DENND1A: variants seen among roughly 807,000 people sequenced by gnomAD.
DENND1A encodes DENN domain containing 1A, also known as DENN domain-containing protein 1A.
In DENND1A, 51 loss-of-function variants were observed where a neutral mutation model predicts 113.7. The observed-to-expected ratio is 0.45, with a 90% confidence interval of 0.36 to 0.57. The LOEUF (loss-of-function observed/expected upper bound fraction) is 0.57. Ranked by LOEUF, DENND1A falls within the 20% of genes least tolerant of loss-of-function variation. The pLI is 0.00. For missense variants in DENND1A, 1,258 were observed against 1,395.9 expected (o/e 0.90, Z 1.57); for synonymous variants, 565 against 570.8 (o/e 0.99, Z 0.14).
intron 5 of DENND1A, among the ~76,000 whole-genome samples, chr9:123,741,288 T>G (rs541920397): frequency 2.0e-5 from 3 of 152,178 alleles, no homozygotes; most frequent in Non-Finnish European, 4.4e-5. Flanking sequence ...ACCAAAATTT[T>G]ACAAGTGATT....
intron 10 of DENND1A, among the ~76,000 whole-genome samples, chr9:123,624,397 G>A (rs2061103005): frequency 6.6e-6 from 1 of 152,176 alleles, no homozygotes; most frequent in Non-Finnish European, 1.5e-5. Context: ...CAGTGGTAGT[G>A]GCTGAAGGTG....
chr9:123,611,864 A>G (rs866172333), intron 10 of DENND1A, among the ~76,000 whole-genome samples: 1 of 152,344 alleles, frequency 6.6e-6, no homozygotes, highest in Non-Finnish European at 1.5e-5. Flanking sequence ...CCTGAAAGGA[A>G]AAAGGGACCT....
chr9:123,608,639 A>T (rs535251051), intron 11 of DENND1A, among the ~76,000 whole-genome samples: 1 of 152,368 alleles, frequency 6.6e-6, no homozygotes, highest in African/African-American at 2.4e-5. Flanking sequence ...CTGGCATCCG[A>T]TGCATAGCTT....
intron 20 of DENND1A, among the ~76,000 whole-genome samples, chr9:123,410,936 A>G (rs751991110): frequency 1.3e-5 from 2 of 151,168 alleles, no homozygotes; most frequent in Non-Finnish European, 2.9e-5. Context: ...GCATGGCCGG[A>G]GTCTGACCTA....
chr9:123,688,497 GA>G (rs778922177), intron 5 of DENND1A, among the ~76,000 whole-genome samples: 9 of 152,204 alleles, frequency 5.9e-5, no homozygotes, highest in Non-Finnish European at 1.3e-4. Context: ...ATTTGTGCGA[GA>G]AGTCATCATG....
At chr9:123,876,463 T>G (rs1426085376) in intron 2 of DENND1A, among the ~76,000 whole-genome samples, 1 of 152,196 alleles carries the variant, frequency 6.6e-6, no homozygotes, top group Non-Finnish European at 1.5e-5. Context: ...TTAGGAGATA[T>G]ATCCAGAATA....
chr9:123,462,228 A>G (rs2133087272), intron 13 of DENND1A, among the ~76,000 whole-genome samples: 1 of 152,380 alleles, frequency 6.6e-6, no homozygotes, highest in East Asian at 1.9e-4. Flanking sequence ...ACTCTCTGTG[A>G]GGCACAGTGC....
chr9:123,406,329 C>T (rs1307238989), intron 20 of DENND1A, among the ~76,000 whole-genome samples: 1 of 152,160 alleles, frequency 6.6e-6, no homozygotes, highest in Non-Finnish European at 1.5e-5. Flanking sequence ...TTGTGAAGCC[C>T]GGATACAGGG....
intron 4 of DENND1A, among the ~76,000 whole-genome samples, chr9:123,763,364 G>A (rs994097085): frequency 6.6e-6 from 1 of 152,150 alleles, no homozygotes; most frequent in Non-Finnish European, 1.5e-5. Context: ...CTTGCAGATG[G>A]ACTGGGAATT....
chr9:123,705,105 C>T (rs1343893546), intron 5 of DENND1A, among the ~76,000 whole-genome samples: 2 of 151,206 alleles, frequency 1.3e-5, no homozygotes, highest in African/African-American at 4.8e-5. Context: ...AGAGACAAAG[C>T]ACTGTGAAGA....
chr9:123,689,946 G>A (rs943332781), intron 5 of DENND1A, among the ~76,000 whole-genome samples: 8 of 151,076 alleles, frequency 5.3e-5, no homozygotes, highest in South Asian at 2.1e-4. Flanking sequence ...CCAAGATCGC[G>A]CCACTGTACT....
chr9:123,677,423 T>C (rs1424047229), intron 5 of DENND1A, among the ~76,000 whole-genome samples: 1 of 152,082 alleles, frequency 6.6e-6, no homozygotes, highest in Non-Finnish European at 1.5e-5. Flanking sequence ...CTGTGTGGCT[T>C]GTTTTTTGTT....
intron 19 of DENND1A, among the ~76,000 whole-genome samples, chr9:123,412,071 C>T (rs2044348418): frequency 6.6e-6 from 1 of 151,828 alleles, no homozygotes; most frequent in Non-Finnish European, 1.5e-5. Flanking sequence ...CCCAGCTCCG[C>T]CCTCCACCAT....
At chr9:123,483,329 G>C (rs2050508325) in intron 13 of DENND1A, among the ~76,000 whole-genome samples, 1 of 152,226 alleles carries the variant, frequency 6.6e-6, no homozygotes, top group African/African-American at 2.4e-5. Flanking sequence ...GCATGCCGAT[G>C]GTGGTCCAGA....
At chr9:123,833,337 T>C (rs1001533418) in intron 2 of DENND1A, among the ~76,000 whole-genome samples, 3 of 152,118 alleles carry the variant, frequency 2.0e-5, no homozygotes, top group African/African-American at 7.2e-5. Context: ...TGTTCCTGTT[T>C]TTCATGTTAT....
intron 9 of DENND1A, among the ~76,000 whole-genome samples, chr9:123,645,537 G>T (rs1252418696): frequency 2.6e-5 from 4 of 152,150 alleles, no homozygotes; most frequent in African/African-American, 9.7e-5. Flanking sequence ...GAATACAACA[G>T]AAGTCTGCTC....
chr9:123,454,469 C>T (rs1415251295), intron 16 of DENND1A, among the ~76,000 whole-genome samples: 1 of 152,212 alleles, frequency 6.6e-6, no homozygotes, highest in African/African-American at 2.4e-5. Flanking sequence ...TGCTCTAAGA[C>T]AGCAACATTC....
chr9:123,464,888 C>T (rs532583506), intron 13 of DENND1A, among the ~76,000 whole-genome samples: 1 of 150,430 alleles, frequency 6.6e-6, no homozygotes. Context: ...ATGGCTCATG[C>T]CTGTAATCCC....
At chr9:123,887,032 A>G (rs183509497) in intron 1 of DENND1A, among the ~76,000 whole-genome samples, 2 of 152,280 alleles carry the variant, frequency 1.3e-5, no homozygotes, top group Non-Finnish European at 2.9e-5. Flanking sequence ...GCAGAGAGAC[A>G]AAGCCTGAAC....
Sources: allele counts gnomAD v4.1 joint callset (sites outside exome capture counted in the v4.1 genomes callset), GRCh38; gene constraint gnomAD v4.1.1; transcripts MANE v1.5; gene names NCBI Gene and HGNC (gene_info 2026-07-23, HGNC 2026-07-21).